The following IAPP variants were observed in gnomAD, a reference collection of about 807,000 sequenced individuals.
The protein encoded by IAPP is Islet amyloid polypeptide (diabetes-associated peptide; amylin).
A neutral mutation model predicts 2.9 loss-of-function variants in IAPP; 4 were observed. That is an observed-to-expected ratio of 1.39 (90% CI 0.69 to 3.19). The LOEUF is 3.19. IAPP is among the 30% of genes most tolerant of loss of function. IAPP has a pLI of 0.01. For missense variants in IAPP, 114 were observed against 105.3 expected (o/e 1.08, Z -0.36); for synonymous variants, 40 against 42.1 (o/e 0.95, Z 0.19).
chr12:21,359,047 C>T (rs1054872705), intron 1 of IAPP, among the ~76,000 whole-genome samples: 3 of 152,134 alleles, frequency 2.0e-5, no homozygotes, highest in Non-Finnish European at 4.4e-5. Flanking sequence ...TAACAGGAAG[C>T]AAGCTGCTAC....
At chr12:21,374,725 A>G (rs544790240) in intron 2 of IAPP, among the ~76,000 whole-genome samples, 8 of 152,310 alleles carry the variant, frequency 5.3e-5, no homozygotes, top group Non-Finnish European at 8.8e-5. Flanking sequence ...ATTTCCTAGT[A>G]TATCTGTTTA....
intron 2 of IAPP, chr12:21,376,296 T>G (rs1024835353): frequency 7.4e-5 from 25 of 336,932 alleles, no homozygotes; most frequent in Non-Finnish European, 1.5e-4. Flanking sequence ...ATTTGACCCA[T>G]AATTTTCCTT....
chr12:21,373,635 C>T (rs1270371633), intron 2 of IAPP: 2 of 700,822 alleles, frequency 2.9e-6, no homozygotes, highest in East Asian at 5.4e-5. Context: ...GATGGAACTT[C>T]TGACAGACAG....
chr12:21,363,509 T>A (rs1939106173), intron 1 of IAPP, among the ~76,000 whole-genome samples: 1 of 151,976 alleles, frequency 6.6e-6, no homozygotes, highest in South Asian at 2.1e-4. Flanking sequence ...AGCAAACACA[T>A]TCAAAAGCTA....
chr12:21,373,036 AT>A (rs1160868342), intron 1 of IAPP, 32 bp downstream of exon 1: 1 of 298,134 alleles, frequency 3.4e-6, no homozygotes, highest in Non-Finnish European at 6.2e-6. Context: ...GGAAAGTTTT[AT>A]TTATTTAGAG....
At chr12:21,370,118 G>T (rs914334882), upstream of IAPP, among the ~76,000 whole-genome samples, 3 of 152,096 alleles carry the variant, frequency 2.0e-5, no homozygotes, top group Non-Finnish European at 4.4e-5. Context: ...TCCTGGATCA[G>T]ACAGATAAGA....
chr12:21,367,034 C>T (rs1939441142), intron 1 of IAPP, among the ~76,000 whole-genome samples: 2 of 151,114 alleles, frequency 1.3e-5, no homozygotes, highest in Admixed American at 1.3e-4. Flanking sequence ...GAAAAAGATC[C>T]ACACCAAAGC....
intron 2 of IAPP, among the ~76,000 whole-genome samples, chr12:21,375,680 G>A (rs537649296): frequency 6.6e-6 from 1 of 152,186 alleles, no homozygotes; most frequent in Non-Finnish European, 1.5e-5. Flanking sequence ...TACTTCCACA[G>A]ATGAATGTTA....
At chr12:21,358,942 C>T (rs73239253) in intron 1 of IAPP, among the ~76,000 whole-genome samples, 3,746 of 152,112 alleles carry the variant, frequency 0.025, 184 homozygotes, top group African/African-American at 0.085. Context: ...CAATAACAGG[C>T]TGAAGATATT....
chr12:21,360,237 G>A (rs766348271), intron 1 of IAPP, among the ~76,000 whole-genome samples: 2 of 152,222 alleles, frequency 1.3e-5, no homozygotes, highest in Non-Finnish European at 2.9e-5. Flanking sequence ...ATTGATTGTG[G>A]TGATGGTTTC....
At chr12:21,371,176 G>A (rs1283009300), upstream of IAPP, among the ~76,000 whole-genome samples, 1 of 152,158 alleles carries the variant, frequency 6.6e-6, no homozygotes, top group Admixed American at 6.6e-5. Flanking sequence ...CCTGGAAAGA[G>A]GCAGTAACTC....
intron 2 of IAPP, chr12:21,376,269 A>G: frequency 3.6e-6 from 1 of 281,354 alleles, no homozygotes; most frequent in Non-Finnish European, 7.5e-6. Context: ...AACAGATATT[A>G]CCTTTGAATC....
At position 21,379,198 on chromosome 12, in the gene IAPP, A is replaced by C. The variant is rs2137117205; in HGVS notation, c.*772A>C. The C allele has an allele frequency of 6.6e-6, 1 of 152,356 alleles. No homozygotes were observed. Among genetic ancestry groups the C allele is most frequent in the East Asian group, 1.9e-4 (1 of 5,192 alleles). 9.4% of individuals were successfully genotyped at this position (152,356 alleles called of 1,614,324 possible). A position where few individuals can be genotyped will look rare whatever the true frequency, so the allele number is the denominator to read the frequency against. On this transcript the variant is annotated 3_prime_UTR_variant, in exon 3 of 3. Transcript: ENST00000240652. The stretch of plus-strand genomic sequence containing the variant: ...TGAAATGACAGAATGCTGTTTTAAA[A>C]ACAAAGAAATAAAATCCTGCTCCTG...
At chr12:21,360,932 C>A (rs1938811470) in intron 1 of IAPP, among the ~76,000 whole-genome samples, 1 of 152,134 alleles carries the variant, frequency 6.6e-6, no homozygotes. Context: ...GGAGGCCTGC[C>A]TGCCTCTGTA....
At chr12:21,364,970 C>T (rs1463911118) in intron 1 of IAPP, among the ~76,000 whole-genome samples, 1 of 152,140 alleles carries the variant, frequency 6.6e-6, no homozygotes, top group Non-Finnish European at 1.5e-5. Flanking sequence ...GGCCATACTG[C>T]CTGAGGTAAT....
At chr12:21,361,286 A>G (rs1017644762) in intron 1 of IAPP, among the ~76,000 whole-genome samples, 1 of 152,192 alleles carries the variant, frequency 6.6e-6, no homozygotes, top group African/African-American at 2.4e-5. Context: ...TCTGGAGTGG[A>G]CCTCCAGCAA....
intron 1 of IAPP, among the ~76,000 whole-genome samples, chr12:21,367,794 G>C (rs753228867): frequency 6.0e-5 from 9 of 150,482 alleles, no homozygotes; most frequent in Non-Finnish European, 1.3e-4. Context: ...ATCCAACATG[G>C]GATAATTTTA....
chr12:21,366,300 C>CA (rs1177948636), intron 1 of IAPP, among the ~76,000 whole-genome samples: 8 of 139,986 alleles, frequency 5.7e-5, no homozygotes, highest in East Asian at 2.2e-4. Flanking sequence ...ATCACAAGGA[C>CA]AAAAAACCAA....
At chr12:21,371,052 C>T (rs1453467957), upstream of IAPP, among the ~76,000 whole-genome samples, 5 of 152,174 alleles carry the variant, frequency 3.3e-5, no homozygotes, top group African/African-American at 7.2e-5. Context: ...TAGCAGCTTA[C>T]GGCGGTTTTG....
Sources: gnomAD v4.1 joint callset for allele counts (sites outside exome capture counted in the v4.1 genomes callset) on GRCh38, gnomAD v4.1.1 for gene constraint, MANE v1.5 for transcripts, NCBI Gene and HGNC (gene_info 2026-07-23, HGNC 2026-07-21) for gene names.